RAD21: variants seen among roughly 807,000 people sequenced by gnomAD.
The protein encoded by RAD21 is double-strand-break repair protein rad21 homolog.
A neutral mutation model predicts 71.5 loss-of-function variants in RAD21; 18 were observed. The observed-to-expected ratio is 0.25, with a 90% CI of 0.17 to 0.37. The LOEUF (loss-of-function observed/expected upper bound fraction) is 0.37, where lower values mean the gene tolerates loss of function less well. Ranked by LOEUF, RAD21 falls within the 10% of genes least tolerant of loss-of-function variation. The pLI, the probability that RAD21 is intolerant of heterozygous loss-of-function variation, is 1.00. For missense variants in RAD21, 493 were observed against 769.1 expected (o/e 0.64, Z 4.25); for synonymous variants, 248 against 254.0 (o/e 0.98, Z 0.22).
chr8:116,853,913 T>C (rs1812409019), intron 9 of RAD21, among the ~76,000 whole-genome samples: 1 of 152,220 alleles, frequency 6.6e-6, no homozygotes, highest in South Asian at 2.1e-4. Flanking sequence ...GAACCACTCA[T>C]GTTTCATTCA....
intron 8 of RAD21, among the ~76,000 whole-genome samples, chr8:116,855,422 G>T (rs989390087): frequency 6.6e-6 from 1 of 152,036 alleles, no homozygotes; most frequent in Non-Finnish European, 1.5e-5. Flanking sequence ...ATTAAATAAT[G>T]TGTCTTGCAA....
At chr8:116,869,583 T>C (rs969857207) in intron 1 of RAD21, among the ~76,000 whole-genome samples, 12 of 150,402 alleles carry the variant, frequency 8.0e-5, no homozygotes, top group Middle Eastern at 3.4e-3. Context: ...AGACTCTGTA[T>C]AAAAAGAAAA....
At chr8:116,850,029 A>C (rs749390002) in intron 12 of RAD21, among the ~76,000 whole-genome samples, 24 of 152,168 alleles carry the variant, frequency 1.6e-4, no homozygotes, top group Non-Finnish European at 2.9e-4. Flanking sequence ...AATGATCCAG[A>C]AATTAGGAAG....
rs1461435275 is a variant in RAD21, at chr8:116,874,623, T to C, written c.-45A>G. 3.7e-6 allele frequency: 1 copy of C among 269,302 alleles called. No homozygotes were observed. The highest frequency in any genetic ancestry group is 6.8e-6 in the Non-Finnish European group (1 of 147,766). 16.7% of individuals were successfully genotyped at this position (269,302 alleles called of 1,614,324 possible). On this transcript the variant is annotated 5_prime_UTR_variant, in exon 1 of 14. Transcript: ENST00000297338. ...CCGAGTCTCTTACCTTGCTCTCCGC[T>C]GGGAGTTGGGCGGGCTGGGTGGCCC... is the stretch of plus-strand genomic sequence containing the variant.
chr8:116,848,797 A>AAAAATAAATAAATAAAT, intron 13 of RAD21, 149 bp downstream of exon 13: 1 of 478,768 alleles, frequency 2.1e-6, no homozygotes, highest in South Asian at 6.2e-5. Flanking sequence ...TCCCTCCAGA[A>AAAAATAAATAAATAAAT]AAAATAAATA....
At chr8:116,867,360 A>C (rs1221674155) in intron 1 of RAD21, among the ~76,000 whole-genome samples, 1 of 152,212 alleles carries the variant, frequency 6.6e-6, no homozygotes, top group Non-Finnish European at 1.5e-5. Flanking sequence ...TTCTTAACTT[A>C]AGAACTTACA....
chr8:116,863,217 C>T lies in RAD21; in HGVS notation c.187G>A (p.Val63Ile). 2 of 1,611,972 alleles carry T rather than the reference C, an allele frequency of 1.2e-6. No homozygotes were observed. The highest frequency in any genetic ancestry group is 1.7e-6 in the Non-Finnish European group (2 of 1,178,444). ...LRTSGHLLLGVVRIYHRKAKY... is the reference protein window; with the variant it reads ...LRTSGHLLLGIVRIYHRKAKY... ...GCTTTCCTGTGATAGATTCGAACTA[C>T]TCCCAGTAAGAGATGTCCTGATGTC... The change falls in exon 3 of 14, where the codon GTA becomes ATA. Residue 63 changes from valine (V) to isoleucine (I), a missense_variant. By Grantham distance (29) the Val-to-Ile change is conservative. This residue lies in a region of RAD21 where 27 missense variants were observed against 144.1 expected (regional missense o/e 0.19). Transcript: ENST00000297338.
At chr8:116,848,873 CT>C (rs745420178) in intron 13 of RAD21, 72 bp downstream of exon 13, 17,966 of 951,174 alleles carry the variant, frequency 0.019, no homozygotes, top group South Asian at 0.03. Flanking sequence ...CAGCATCTAA[CT>C]TTTTTTTTTT....
chr8:116,872,569 T>C (rs1170216085), intron 1 of RAD21, among the ~76,000 whole-genome samples: 1 of 147,160 alleles, frequency 6.8e-6, no homozygotes, highest in East Asian at 2.0e-4. Flanking sequence ...CACACACATA[T>C]TTTAACTCGG....
At chr8:116,858,650 T>C (rs1812521930) in intron 4 of RAD21, among the ~76,000 whole-genome samples, 192 bp from the exon 5 acceptor site, 2 of 152,172 alleles carry the variant, frequency 1.3e-5, no homozygotes, top group African/African-American at 4.8e-5. Flanking sequence ...TTAACTTGTA[T>C]TTAAATTTGA....
chr8:116,858,592 T>C (rs1451538485), intron 4 of RAD21, 134 bp from the exon 5 acceptor site: 3 of 590,498 alleles, frequency 5.1e-6, no homozygotes, highest in Middle Eastern at 4.3e-4. Context: ...TAATATTTAA[T>C]ACTTTCACAC....
chr8:116,850,135 A>G (rs959656393), intron 12 of RAD21, among the ~76,000 whole-genome samples: 1 of 152,198 alleles, frequency 6.6e-6, no homozygotes, highest in Non-Finnish European at 1.5e-5. Context: ...AGAAAAAGTC[A>G]TTTAAGCCTT....
At chr8:116,855,004 C>G (rs569157017) in intron 8 of RAD21, among the ~76,000 whole-genome samples, 3 of 152,284 alleles carry the variant, frequency 2.0e-5, no homozygotes, top group Non-Finnish European at 4.4e-5. Context: ...AGAGTCATTT[C>G]TAATCCTTAC....
At chr8:116,871,827 G>C (rs16889136) in intron 1 of RAD21, among the ~76,000 whole-genome samples, 1 of 152,200 alleles carries the variant, frequency 6.6e-6, no homozygotes, top group Non-Finnish European at 1.5e-5. Context: ...AACAGATGAA[G>C]ATAAGTAAAT....
At position 116,852,556 on chromosome 8, in the gene RAD21, A is replaced by G; in HGVS notation, c.1314T>C (p.Asp438=). The change falls in exon 10 of 14, where the codon GAT becomes GAC. Residue 438 remains aspartate (D), a synonymous_variant. Coordinates refer to ENST00000297338, the MANE Select transcript of RAD21 (RefSeq NM_006265.3). Reference sequence around the variant, plus strand: ...TATTCCAACAGAACAAACCGATAACATCACGCTGCTGATGCTGCTGTTGCT... The same window carrying G: ...TATTCCAACAGAACAAACCGATAACGTCACGCTGCTGATGCTGCTGTTGCT... ...EDQQQQHQQR[D]VIDEPIIEEP... is the part of the protein sequence containing the mutation. 6.2e-7 allele frequency: 1 copy of G among 1,611,586 alleles called. No individual in the cohort carries two copies. The highest frequency in any genetic ancestry group is 8.5e-7 in the Non-Finnish European group (1 of 1,178,966).
At chr8:116,871,910 TG>T (rs374008721) in intron 1 of RAD21, among the ~76,000 whole-genome samples, 66 of 152,294 alleles carry the variant, frequency 4.3e-4, no homozygotes, top group East Asian at 3.7e-3. Context: ...TATGCTGCCT[TG>T]CCAGAGCAGA....
chr8:116,871,043 G>C lies in RAD21; in HGVS notation c.-33+3568C>G, dbSNP rs573006358. Among the ~76,000 whole-genome samples, 122 of 152,096 alleles carry C rather than the reference G, an allele frequency of 8.0e-4. 1 individual carries two copies. The highest frequency in any genetic ancestry group is 7.5e-4 in the Non-Finnish European group (51 of 68,014). ...GCAGAGTGATGCTAAAATTAATGTG[G>C]GAAACAATTAGCAAGAGGAAATCAC... On this transcript the variant is annotated intron_variant, in intron 1 of 13. Transcript: ENST00000297338.
At chr8:116,873,449 C>G (rs969169647) in intron 1 of RAD21, among the ~76,000 whole-genome samples, 1 of 152,212 alleles carries the variant, frequency 6.6e-6, no homozygotes, top group Non-Finnish European at 1.5e-5. Context: ...CCTTCTCCTG[C>G]CTGTCTCCAA....
chr8:116,856,096 T>C (rs1812457570), intron 8 of RAD21, 70 bp downstream of exon 8: 2 of 1,522,726 alleles, frequency 1.3e-6, no homozygotes, highest in East Asian at 2.4e-5. Context: ...AGCAGATCAG[T>C]AGACAGGCAA....
Sources: gnomAD v4.1 joint callset for allele counts (sites outside exome capture counted in the v4.1 genomes callset) on GRCh38, gnomAD v4.1.1 for gene constraint, gnomAD v4.1.1 regional missense constraint, MANE v1.5 for transcripts, NCBI Gene and HGNC (gene_info 2026-07-23, HGNC 2026-07-21) for gene names.